DACH2: variants seen among roughly 807,000 people sequenced by gnomAD.
DACH2 encodes the protein dachshund homolog 2.
A neutral mutation model predicts 35.8 loss-of-function variants in DACH2; 17 were observed. The observed-to-expected ratio is 0.48, with a 90% CI of 0.33 to 0.71. The LOEUF (loss-of-function observed/expected upper bound fraction) is 0.71. Ranked by LOEUF, DACH2 falls within the 30% of genes least tolerant of loss-of-function variation. DACH2 has a pLI of 0.02. For missense variants in DACH2, 469 were observed against 472.7 expected (o/e 0.99, Z 0.07); for synonymous variants, 195 against 177.3 (o/e 1.10, Z -0.79).
intron 3 of DACH2, among the ~76,000 whole-genome samples, chrX:86,648,275 A>C (rs1267537084): frequency 9.0e-6 from 1 of 111,313 alleles, no homozygotes; most frequent in Non-Finnish European, 1.9e-5. Flanking sequence ...TTTTCATCTA[A>C]CTTACTATTT....
chrX:86,497,315 G>A (rs764984697), intron 2 of DACH2, among the ~76,000 whole-genome samples: 8 of 112,005 alleles, frequency 7.1e-5, no homozygotes, highest in Admixed American at 4.7e-4. Flanking sequence ...AACCCTTCCC[G>A]TGATGCTAAT....
intron 11 of DACH2, among the ~76,000 whole-genome samples, chrX:86,820,500 G>A (rs1490885802): frequency 9.2e-6 from 1 of 109,189 alleles, no homozygotes; most frequent in East Asian, 2.9e-4. Context: ...TCAGAAAAAA[G>A]GGATCTTATT....
At chrX:86,311,105 C>T (rs1306876913) in intron 1 of DACH2, among the ~76,000 whole-genome samples, 1 of 111,856 alleles carries the variant, frequency 8.9e-6, no homozygotes, top group Admixed American at 9.5e-5. Flanking sequence ...AGCCAGCTAC[C>T]TGGTGGCAGA....
intron 7 of DACH2, among the ~76,000 whole-genome samples, chrX:86,797,389 T>G (rs890137385): frequency 9.0e-6 from 1 of 111,058 alleles, no homozygotes; most frequent in African/African-American, 3.3e-5. Context: ...AGCCTCAGCA[T>G]AGACATAGTT....
intron 1 of DACH2, among the ~76,000 whole-genome samples, chrX:86,282,686 C>G (rs2034056796): frequency 9.2e-6 from 1 of 109,104 alleles, no homozygotes; most frequent in Non-Finnish European, 1.9e-5. Flanking sequence ...GGGCTAATAT[C>G]CAGAATCTGC....
chrX:86,457,583 C>T (rs887998476), intron 2 of DACH2, among the ~76,000 whole-genome samples: 2 of 111,592 alleles, frequency 1.8e-5, no homozygotes, highest in African/African-American at 3.3e-5. Context: ...GTTTTAGGTC[C>T]GAGGAATGCA....
chrX:86,201,645 G>GA (rs1174567746), intron 1 of DACH2, among the ~76,000 whole-genome samples: 3 of 110,753 alleles, frequency 2.7e-5, no homozygotes, highest in African/African-American at 9.8e-5. Flanking sequence ...GAATGAAAAT[G>GA]AAAAAATATA....
At chrX:86,563,997 T>C (rs1380902383) in intron 3 of DACH2, among the ~76,000 whole-genome samples, 1 of 110,895 alleles carries the variant, frequency 9.0e-6, no homozygotes, top group Non-Finnish European at 1.9e-5. Flanking sequence ...CACTTAACCC[T>C]TCATATGTAC....
chrX:86,595,885 C>G (rs760997896), intron 3 of DACH2, among the ~76,000 whole-genome samples: 2 of 110,625 alleles, frequency 1.8e-5, no homozygotes, highest in South Asian at 7.5e-4. Context: ...AAACCCCATA[C>G]TCATTAAAGT....
At chrX:86,601,304 A>G (rs1232921492) in intron 3 of DACH2, among the ~76,000 whole-genome samples, 3 of 112,166 alleles carry the variant, frequency 2.7e-5, no homozygotes, top group Non-Finnish European at 3.8e-5. Flanking sequence ...AATAAAACAA[A>G]TATAGAAACT....
At chrX:86,253,152 C>T (rs2033435745) in intron 1 of DACH2, among the ~76,000 whole-genome samples, 1 of 110,463 alleles carries the variant, frequency 9.1e-6, no homozygotes, top group Admixed American at 9.7e-5. Flanking sequence ...ATCAATAACT[C>T]AACCCCTTTT....
chrX:86,636,157 G>A (rs896909581), intron 3 of DACH2, among the ~76,000 whole-genome samples: 3 of 111,180 alleles, frequency 2.7e-5, no homozygotes, highest in African/African-American at 9.8e-5. Context: ...AACCAAAACA[G>A]CATGCTAGGC....
chrX:86,537,177 G>A (rs1033489417), intron 3 of DACH2, among the ~76,000 whole-genome samples: 26 of 111,703 alleles, frequency 2.3e-4, no homozygotes, highest in Non-Finnish European at 4.3e-4. Context: ...TATCCAGTGT[G>A]TCAAATCAAG....
chrX:86,654,784 A>G (rs1201471882), intron 4 of DACH2, among the ~76,000 whole-genome samples: 3 of 111,452 alleles, frequency 2.7e-5, no homozygotes, highest in Non-Finnish European at 3.8e-5. Context: ...ATCTTGATGT[A>G]ATGAAGTGAA....
At chrX:86,827,842 G>A (rs1269428018) in intron 11 of DACH2, 4 of 1,098,103 alleles carry the variant, frequency 3.6e-6, no homozygotes, top group Non-Finnish European at 4.9e-6. Context: ...CTTATCTAGT[G>A]TTGTAAATTA....
intron 7 of DACH2, among the ~76,000 whole-genome samples, chrX:86,806,944 T>G (rs1270704221): frequency 2.7e-5 from 3 of 111,784 alleles, no homozygotes; most frequent in Non-Finnish European, 5.6e-5. Context: ...TTCTTTCCTA[T>G]GCTTTGTGGG....
chrX:86,805,324 C>T (rs2042333402), intron 7 of DACH2, among the ~76,000 whole-genome samples: 1 of 112,356 alleles, frequency 8.9e-6, no homozygotes, highest in African/African-American at 3.2e-5. Context: ...GGTGGAGTGC[C>T]TGGGATGCAG....
At chrX:86,417,597 A>C (rs1446228271) in intron 2 of DACH2, among the ~76,000 whole-genome samples, 1 of 111,208 alleles carries the variant, frequency 9.0e-6, no homozygotes, top group Non-Finnish European at 1.9e-5. Flanking sequence ...CAGTGCAGGA[A>C]AGACCCACCC....
chrX:86,486,020 CT>C (rs2038014398), intron 2 of DACH2, among the ~76,000 whole-genome samples: 1 of 111,542 alleles, frequency 9.0e-6, no homozygotes, highest in South Asian at 3.7e-4. Flanking sequence ...AATTACATGA[CT>C]TAATACAAAA....
Sources: allele counts gnomAD v4.1 joint callset (sites outside exome capture counted in the v4.1 genomes callset), GRCh38; gene constraint gnomAD v4.1.1; transcripts MANE v1.5; gene names NCBI Gene and HGNC (gene_info 2026-07-23, HGNC 2026-07-21).